The following LRRTM3 variants were observed in gnomAD, a reference collection of about 807,000 sequenced individuals.
The protein encoded by LRRTM3 is leucine rich repeat transmembrane neuronal 3.
Under a neutral mutation model 44.7 loss-of-function variants are expected in LRRTM3, and 24 were observed. That is an observed-to-expected ratio of 0.54 (90% CI 0.39 to 0.76). The LOEUF (loss-of-function observed/expected upper bound fraction) is 0.76, where lower values mean the gene tolerates loss of function less well. LRRTM3 is among the 30% of genes least tolerant of loss of function. LRRTM3 has a pLI of 0.00. For synonymous variants in LRRTM3, 277 were observed against 278.7 expected, an observed-to-expected ratio of 0.99 and a Z score of 0.06; for missense variants, 587 against 702.2, an observed-to-expected ratio of 0.84 and a Z score of 1.85.
chr10:66,953,047 C>T (rs1848620684), intron 2 of LRRTM3, among the ~76,000 whole-genome samples: 1 of 152,000 alleles, frequency 6.6e-6, no homozygotes. Context: ...AAAACAGAGC[C>T]TACTGAGAAA....
chr10:67,003,555 T>G (rs1851799974), intron 2 of LRRTM3, among the ~76,000 whole-genome samples: 1 of 152,204 alleles, frequency 6.6e-6, no homozygotes, highest in African/African-American at 2.4e-5. Context: ...AAGGCTCTTA[T>G]AAGTCCTGAA....
chr10:67,074,502 C>T (rs558983036), intron 2 of LRRTM3, among the ~76,000 whole-genome samples: 266 of 151,964 alleles, frequency 1.8e-3, no homozygotes, highest in Non-Finnish European at 3.1e-3. Flanking sequence ...AGGCGCCCAC[C>T]ACCACGCCCG....
At chr10:66,953,708 C>T (rs1230640695) in intron 2 of LRRTM3, among the ~76,000 whole-genome samples, 1 of 152,052 alleles carries the variant, frequency 6.6e-6, no homozygotes, top group African/African-American at 2.4e-5. Flanking sequence ...TAGATATCAT[C>T]CAGATTGTGC....
At position 67,097,886 on chromosome 10, in the gene LRRTM3, C is replaced by A; in HGVS notation, c.*90C>A. The stretch of plus-strand genomic sequence containing the variant: ...ATGTGTTCATTGTGGACTCTAAAAA[C>A]AAAACAAAACACAAAATCCCCTGTT... On this transcript the variant is annotated 3_prime_UTR_variant, in exon 3 of 3. Transcript: ENST00000361320. The A allele has an allele frequency of 4.6e-6, 5 of 1,097,018 alleles. No homozygotes were observed. The highest frequency in any genetic ancestry group is 5.4e-6 in the Non-Finnish European group (4 of 744,496). 68.0% of individuals were successfully genotyped at this position (1,097,018 alleles called of 1,614,324 possible). A position where few individuals can be genotyped will look rare whatever the true frequency, so the allele number is the denominator to read the frequency against.
At chr10:67,082,811 T>C (rs894959184) in intron 2 of LRRTM3, among the ~76,000 whole-genome samples, 1 of 152,176 alleles carries the variant, frequency 6.6e-6, no homozygotes, top group Non-Finnish European at 1.5e-5. Flanking sequence ...GTCATGAAAC[T>C]GATTGGAGGC....
At chr10:67,082,636 G>A (rs1857108992) in intron 2 of LRRTM3, among the ~76,000 whole-genome samples, 1 of 152,134 alleles carries the variant, frequency 6.6e-6, no homozygotes, top group South Asian at 2.1e-4. Context: ...GAGAAAAAAG[G>A]AAACCGTGCA....
At chr10:66,973,274 G>A (rs1849827335) in intron 2 of LRRTM3, among the ~76,000 whole-genome samples, 1 of 152,018 alleles carries the variant, frequency 6.6e-6, no homozygotes, top group Admixed American at 6.5e-5. Context: ...TATGAGTTTT[G>A]AAAAAGAAAA....
At chr10:66,983,741 G>T (rs982571704) in intron 2 of LRRTM3, among the ~76,000 whole-genome samples, 1 of 152,080 alleles carries the variant, frequency 6.6e-6, no homozygotes, top group African/African-American at 2.4e-5. Flanking sequence ...CCATGATACA[G>T]TTTTTAGGAA....
At chr10:66,951,435 T>C (rs1405925592) in intron 2 of LRRTM3, among the ~76,000 whole-genome samples, 2 of 152,148 alleles carry the variant, frequency 1.3e-5, no homozygotes, top group African/African-American at 4.8e-5. Flanking sequence ...ATCTTTTAAA[T>C]GGCTTACTAT....
At chr10:67,085,214 C>T (rs17280801) in intron 2 of LRRTM3, among the ~76,000 whole-genome samples, 1 of 151,740 alleles carries the variant, frequency 6.6e-6, no homozygotes, top group Non-Finnish European at 1.5e-5. Flanking sequence ...TTGTTTTGAT[C>T]AAAGCCATAG....
intron 2 of LRRTM3, among the ~76,000 whole-genome samples, chr10:66,968,061 C>G (rs1288759413): frequency 6.6e-6 from 1 of 152,022 alleles, no homozygotes; most frequent in African/African-American, 2.4e-5. Context: ...GAAGTTACCA[C>G]TTGGAAGTAG....
chr10:67,036,042 T>C (rs1004874773), intron 2 of LRRTM3, among the ~76,000 whole-genome samples: 1 of 152,206 alleles, frequency 6.6e-6, no homozygotes, highest in Non-Finnish European at 1.5e-5. Context: ...GCTACTGAAT[T>C]TGCATCTTCT....
intron 2 of LRRTM3, among the ~76,000 whole-genome samples, chr10:67,070,672 G>A (rs551865275): frequency 1.3e-4 from 19 of 151,998 alleles, no homozygotes; most frequent in African/African-American, 3.9e-4. Flanking sequence ...GCTTGAACCC[G>A]GGAGGCGGAG....
chr10:66,993,213 A>G (rs1317536091), intron 2 of LRRTM3, among the ~76,000 whole-genome samples: 5 of 152,120 alleles, frequency 3.3e-5, no homozygotes, highest in Non-Finnish European at 7.4e-5. Context: ...GGGTATCTCT[A>G]TGTGGCTATT....
At chr10:67,030,497 A>T (rs1020637923) in intron 2 of LRRTM3, among the ~76,000 whole-genome samples, 14 of 152,062 alleles carry the variant, frequency 9.2e-5, no homozygotes, top group African/African-American at 3.4e-4. Flanking sequence ...CCACACAAAA[A>T]ATATATAAAT....
chr10:66,978,552 A>AAAAAAAAAAAAAAAATATATATATAT, intron 2 of LRRTM3, among the ~76,000 whole-genome samples: 1 of 37,866 alleles, frequency 2.6e-5, no homozygotes, highest in Non-Finnish European at 4.8e-5. Context: ...AAAAAAAAAA[A>AAAAAAAAAAAAAAAATATATATATAT]ATATATATAT....
At chr10:66,931,074 A>G (rs1462512842) in intron 2 of LRRTM3, among the ~76,000 whole-genome samples, 9 of 152,102 alleles carry the variant, frequency 5.9e-5, no homozygotes, top group Admixed American at 4.6e-4. Context: ...ACTACATATC[A>G]TAAATCTATT....
intron 2 of LRRTM3, among the ~76,000 whole-genome samples, chr10:67,005,688 T>TTTTTTTTGTTTGTTTG (rs1305181472): frequency 2.0e-5 from 2 of 98,896 alleles, no homozygotes; most frequent in African/African-American, 7.1e-5. Context: ...CCATCTTTTT[T>TTTTTTTTGTTTGTTTG]TTTTTTTTTT....
rs143796276 is a variant in LRRTM3, at chr10:66,950,524, T to C, written c.1536+22072T>C. Among the ~76,000 whole-genome samples, 38 of 152,202 alleles carry C rather than the reference T, an allele frequency of 2.5e-4. No homozygotes were observed. In the East Asian group the frequency reaches 6.9e-3, roughly 28 times the overall value. On this transcript the variant is annotated intron_variant, in intron 2 of 2. Transcript: ENST00000361320. ...ACAAAAGATCCTTATTTCCCTATCT[T>C]TGTCAAAATATGTATGATATTTGAG... is the stretch of plus-strand genomic sequence containing the variant.
Sources: gnomAD v4.1 joint callset for allele counts (sites outside exome capture counted in the v4.1 genomes callset) on GRCh38, gnomAD v4.1.1 for gene constraint, MANE v1.5 for transcripts, NCBI Gene and HGNC (gene_info 2026-07-23, HGNC 2026-07-21) for gene names.